PTPN4: variants seen among roughly 807,000 people sequenced by gnomAD.
PTPN4 encodes tyrosine-protein phosphatase non-receptor type 4.
In PTPN4, 49 loss-of-function variants were observed where a neutral mutation model predicts 135.5. The ratio of observed to expected loss-of-function variants is 0.36; its 90% CI spans 0.29 to 0.46. The LOEUF (loss-of-function observed/expected upper bound fraction) is 0.46. Among genes scored for constraint, PTPN4 ranks in the 20% least tolerant of loss-of-function variants. The pLI is 1.00. For missense variants in PTPN4, 860 were observed against 1,101.0 expected (o/e 0.78, Z 3.10); for synonymous variants, 333 against 369.9 (o/e 0.90, Z 1.14).
In PTPN4 at chr2:119,760,070, C is replaced by T. The variant is rs1690449805; in HGVS notation, c.-332C>T. On this transcript the variant is annotated 5_prime_UTR_variant, in exon 1 of 27. Coordinates refer to ENST00000263708, the MANE Select transcript of PTPN4 (RefSeq NM_002830.4). ...AGAGACTTGGCTTTGGCCGCGGGGT[C>T]GGAGGATTGGGGCCAGGCCCCCTCC... The T allele has an allele frequency of 5.2e-6, 2 of 384,118 alleles. No homozygotes were observed. Among genetic ancestry groups the T allele is most frequent in the East Asian group, 7.5e-5 (2 of 26,802 alleles). 23.8% of individuals were successfully genotyped at this position (384,118 alleles called of 1,614,324 possible). A position where few individuals can be genotyped will look rare whatever the true frequency, so the allele number is the denominator to read the frequency against.
intron 1 of PTPN4, among the ~76,000 whole-genome samples, chr2:119,775,835 ATC>A (rs150145904): frequency 1.3e-5 from 2 of 151,916 alleles, no homozygotes; most frequent in Non-Finnish European, 2.9e-5. Context: ...CTATATCTAT[ATC>A]TATATATCTA....
intron 2 of PTPN4, 34 bp downstream of exon 2, chr2:119,810,025 T>C: frequency 1.3e-6 from 2 of 1,574,714 alleles, no homozygotes; most frequent in East Asian, 4.5e-5. Context: ...AAATAATCTC[T>C]GGCTATAAGT....
Position 119,759,987 on chromosome 2 carries a change from T to G in PTPN4, c.-415T>G. The G allele has an allele frequency of 2.6e-6, 1 of 378,344 alleles. No individual in the cohort carries two copies. The highest frequency in any genetic ancestry group is 4.7e-6 in the Non-Finnish European group (1 of 213,610). 23.4% of individuals were successfully genotyped at this position (378,344 alleles called of 1,614,324 possible). ...GCTCCTCGCGCCCCACCACCAACAT[T>G]GTTCTCTCAGGACTCCTGGGTCCCA... is the stretch of plus-strand genomic sequence containing the variant. On this transcript the variant is annotated 5_prime_UTR_variant, in exon 1 of 27. It adds an upstream start codon to the 5' untranslated region. Transcript: ENST00000263708.
chr2:119,805,869 G>A (rs140654792), intron 1 of PTPN4, among the ~76,000 whole-genome samples: 2,199 of 152,218 alleles, frequency 0.014, 48 homozygotes, highest in African/African-American at 0.05. Flanking sequence ...AATTACCTTG[G>A]GCAGTATGGC....
At chr2:119,843,723 G>C (rs1574364402) in intron 2 of PTPN4, among the ~76,000 whole-genome samples, 1 of 51,924 alleles carries the variant, frequency 1.9e-5, no homozygotes, top group African/African-American at 9.8e-5. Context: ...TCACCTCCCG[G>C]ACGGGGTGGC....
intron 3 of PTPN4, among the ~76,000 whole-genome samples, chr2:119,874,246 C>A (rs1258665720): frequency 6.6e-6 from 1 of 152,088 alleles, no homozygotes; most frequent in African/African-American, 2.4e-5. Flanking sequence ...AAAGGTACAG[C>A]CATTGTGGAA....
intron 10 of PTPN4, among the ~76,000 whole-genome samples, chr2:119,911,014 A>G (rs1678563369): frequency 6.6e-6 from 1 of 152,216 alleles, no homozygotes; most frequent in South Asian, 2.1e-4. Context: ...ATCTGTATCT[A>G]TTAAAGAAGT....
rs1235057279 is a variant in PTPN4, at chr2:119,900,254, G to C, written c.676-464G>C. Among the ~76,000 whole-genome samples the C allele has an allele frequency of 3.3e-5, 5 of 151,936 alleles. No individual in the cohort carries two copies. In the East Asian group the frequency reaches 7.7e-4, roughly 23 times the overall value. ...TAATGTATTATATTAGTTATAGGAC[G>C]TCTCATTATGTTGTAAATATTGCTT... On this transcript the variant is annotated intron_variant, in intron 9 of 26. Transcript: ENST00000263708.
intron 22 of PTPN4, among the ~76,000 whole-genome samples, chr2:119,958,365 A>T (rs1254817886): frequency 6.6e-6 from 1 of 151,886 alleles, no homozygotes; most frequent in Admixed American, 6.6e-5. Flanking sequence ...TAATGGATGA[A>T]GGACATGCAA....
intron 26 of PTPN4, among the ~76,000 whole-genome samples, chr2:119,971,979 C>A (rs1285719482): frequency 6.6e-6 from 1 of 152,160 alleles, no homozygotes; most frequent in African/African-American, 2.4e-5. Flanking sequence ...TCTAGACTTC[C>A]AATTCTATTC....
At chr2:119,829,457 C>G (rs1053708688) in intron 2 of PTPN4, among the ~76,000 whole-genome samples, 1 of 152,196 alleles carries the variant, frequency 6.6e-6, no homozygotes, top group Non-Finnish European at 1.5e-5. Context: ...AACAGAAACT[C>G]TAGCCATGTG....
intron 20 of PTPN4, among the ~76,000 whole-genome samples, chr2:119,955,569 C>T (rs1679267763): frequency 6.6e-6 from 1 of 152,136 alleles, no homozygotes; most frequent in South Asian, 2.1e-4. Context: ...TGTCATCAAA[C>T]TAAATTTTTT....
chr2:119,937,661 T>C (rs949853804), intron 15 of PTPN4, among the ~76,000 whole-genome samples: 12 of 152,340 alleles, frequency 7.9e-5, no homozygotes, highest in East Asian at 1.9e-4. Context: ...CACATCTTGA[T>C]TGACATTTCT....
intron 7 of PTPN4, 41 bp downstream of exon 7, chr2:119,882,190 G>C: frequency 6.5e-7 from 1 of 1,541,664 alleles, no homozygotes; most frequent in Non-Finnish European, 9.0e-7. Flanking sequence ...GCATATAACT[G>C]TGGTTTGTGT....
rs187258636 is a variant in PTPN4, at chr2:119,963,258, T to C, written c.2409+514T>C. ...GGTGTAGATTTCTAATTGCCAGCTC[T>C]TAATTTTGCCTGAGTCAGTCCTCTT... On this transcript the variant is annotated intron_variant, in intron 24 of 26. Transcript: ENST00000263708. 6.2e-4 allele frequency among the ~76,000 whole-genome samples: 95 copies of C among 152,240 alleles called. 1 individual carries two copies. Among genetic ancestry groups the C allele is most frequent in the African/African-American group, 2.1e-3 (86 of 41,544 alleles).
chr2:119,935,006 A>T, intron 15 of PTPN4, 48 bp downstream of exon 15: 1 of 1,529,724 alleles, frequency 6.5e-7, no homozygotes, highest in East Asian at 2.3e-5. Context: ...AATGCCCCAA[A>T]TTGCTTTACT....
chr2:119,868,956 G>A (rs1677871171), intron 3 of PTPN4, among the ~76,000 whole-genome samples: 1 of 152,030 alleles, frequency 6.6e-6, no homozygotes, highest in African/African-American at 2.4e-5. Context: ...CGACTGAGCT[G>A]GTCTCGGCAT....
intron 9 of PTPN4, among the ~76,000 whole-genome samples, chr2:119,896,044 C>G (rs1356948186): frequency 6.6e-6 from 1 of 152,002 alleles, no homozygotes. Context: ...TTTTTTCCTG[C>G]TCTTTTTAAA....
intron 1 of PTPN4, among the ~76,000 whole-genome samples, 196 bp from the exon 2 acceptor site, chr2:119,809,641 T>C (rs1691541530): frequency 1.3e-5 from 2 of 152,162 alleles, no homozygotes; most frequent in Admixed American, 1.3e-4. Context: ...AACCTCTTTT[T>C]CAAAGCAGTG....
Sources: gnomAD v4.1 joint callset for allele counts (sites outside exome capture counted in the v4.1 genomes callset) on GRCh38, gnomAD v4.1.1 for gene constraint, MANE v1.5 for transcripts, NCBI Gene and HGNC (gene_info 2026-07-23, HGNC 2026-07-21) for gene names.